Variants in MMP26 observed in about 807,000 individuals in gnomAD.
MMP26 encodes matrix metalloproteinase-26.
A neutral mutation model predicts 31.0 loss-of-function variants in MMP26; 33 were observed. The observed-to-expected ratio is 1.06, with a 90% CI of 0.81 to 1.42. The LOEUF (loss-of-function observed/expected upper bound fraction) is 1.42. Ranked by LOEUF, MMP26 falls within the 40% of genes most tolerant of loss-of-function variation. MMP26 has a pLI of 0.00. For synonymous variants in MMP26, 122 were observed against 114.9 expected (o/e 1.06, Z -0.40); for missense variants, 347 against 316.1 (o/e 1.10, Z -0.74).
intron 2 of MMP26, among the ~76,000 whole-genome samples, chr11:4,878,935 T>C (rs560741627): frequency 2.0e-5 from 3 of 152,058 alleles, no homozygotes; most frequent in African/African-American, 7.2e-5. Flanking sequence ...ATTTGGAAAA[T>C]GTTTCAAGAA....
chr11:4,890,101 G>C (rs2133547691), intron 2 of MMP26: 1 of 152,296 alleles, frequency 6.6e-6, no homozygotes, highest in African/African-American at 2.4e-5. Flanking sequence ...TTCTTTTAAT[G>C]AGTTTAGTGT....
chr11:4,724,620 A>G (rs1365549630), intron 1 of MMP26, among the ~76,000 whole-genome samples: 1 of 152,248 alleles, frequency 6.6e-6, no homozygotes, highest in Non-Finnish European at 1.5e-5. Context: ...ATAAAATCTA[A>G]AGATAAGGTT....
intron 2 of MMP26, among the ~76,000 whole-genome samples, chr11:4,902,193 T>TA (rs1850813116): frequency 6.6e-6 from 1 of 152,198 alleles, no homozygotes; most frequent in Admixed American, 6.5e-5. Context: ...TACAGTTCAC[T>TA]TCAGATGAAA....
At position 4,762,045 on chromosome 11, in the gene MMP26, T is replaced by C. The variant is rs529904721; in HGVS notation, c.-216-5225T>C. Among the ~76,000 whole-genome samples the C allele has an allele frequency of 5.9e-4, 90 of 152,264 alleles. 1 individual carries two copies. Among genetic ancestry groups the C allele is most frequent in the Admixed American group, 2.9e-3 (44 of 15,288 alleles). On this transcript the variant is annotated intron_variant, in intron 1 of 7. Coordinates refer to ENST00000380390, the MANE Select transcript of MMP26 (RefSeq NM_021801.5). Reference sequence around the variant, plus strand: ...ATTATATTGATTATCTGTACAGTGATTATTGTTTTATTGTTTTCCAGTCAG... The same window carrying C: ...ATTATATTGATTATCTGTACAGTGACTATTGTTTTATTGTTTTCCAGTCAG...
At chr11:4,980,651 T>C (rs1441070146) in intron 2 of MMP26, among the ~76,000 whole-genome samples, 2 of 152,070 alleles carry the variant, frequency 1.3e-5, no homozygotes, top group African/African-American at 2.4e-5. Context: ...TATATTCCCA[T>C]AGTCATAGAA....
At chr11:4,893,872 G>C (rs1850663207) in intron 2 of MMP26, among the ~76,000 whole-genome samples, 3 of 151,918 alleles carry the variant, frequency 2.0e-5, no homozygotes, top group Admixed American at 6.6e-5. Flanking sequence ...AGCTGAGACA[G>C]GATGATCACT....
At chr11:4,915,251 A>G in intron 2 of MMP26, 1 of 1,614,030 alleles carries the variant, frequency 6.2e-7, no homozygotes, top group Non-Finnish European at 8.5e-7. Flanking sequence ...GAGAATGGAA[A>G]CATAGTGCAA....
chr11:4,868,217 G>A (rs1850262820), intron 2 of MMP26, among the ~76,000 whole-genome samples: 1 of 152,100 alleles, frequency 6.6e-6, no homozygotes, highest in Admixed American at 6.6e-5. Context: ...ACACATGGGG[G>A]GAACAACACA....
chr11:4,733,858 T>C (rs758973126), intron 1 of MMP26, among the ~76,000 whole-genome samples: 11 of 152,218 alleles, frequency 7.2e-5, no homozygotes, highest in Non-Finnish European at 1.5e-4. Flanking sequence ...CTTTTTGTTC[T>C]ACATTGTTGA....
intron 2 of MMP26, chr11:4,821,665 A>G: frequency 1.2e-6 from 2 of 1,613,926 alleles, no homozygotes; most frequent in Admixed American, 1.7e-5. Flanking sequence ...TACACTTTCT[A>G]CTACCCTTGG....
chr11:4,985,294 T>A (rs1564819378), intron 2 of MMP26, among the ~76,000 whole-genome samples: 1 of 152,218 alleles, frequency 6.6e-6, no homozygotes, highest in African/African-American at 2.4e-5. Context: ...TATATCACCA[T>A]GAGATTTTAG....
At chr11:4,791,421 G>A (rs972592617) in intron 2 of MMP26, among the ~76,000 whole-genome samples, 7 of 152,078 alleles carry the variant, frequency 4.6e-5, no homozygotes, top group Admixed American at 2.6e-4. Flanking sequence ...AGTTGTGCCC[G>A]AACCTTGATC....
intron 1 of MMP26, chr11:4,723,074 A>G (rs1206088901): frequency 3.0e-5 from 38 of 1,267,176 alleles, no homozygotes; most frequent in South Asian, 2.7e-4. Flanking sequence ...GTACCCATGC[A>G]GCTGTCACGG....
At chr11:4,984,957 AT>A (rs896393800) in intron 2 of MMP26, among the ~76,000 whole-genome samples, 3 of 151,672 alleles carry the variant, frequency 2.0e-5, no homozygotes, top group Admixed American at 6.6e-5. Context: ...GACTTAGAGG[AT>A]TTTTTTTTAT....
chr11:4,774,788 A>G (rs1241584704), intron 2 of MMP26, among the ~76,000 whole-genome samples: 2 of 152,044 alleles, frequency 1.3e-5, no homozygotes, highest in African/African-American at 2.4e-5. Context: ...TTAATCCATC[A>G]TGAGTTAATT....
At chr11:4,844,134 C>A (rs913077290) in intron 2 of MMP26, among the ~76,000 whole-genome samples, 1 of 152,010 alleles carries the variant, frequency 6.6e-6, no homozygotes, top group African/African-American at 2.4e-5. Context: ...ATGGCTATCA[C>A]GAGCAAGTAT....
At chr11:4,714,400 A>G (rs1209730047) in intron 1 of MMP26, among the ~76,000 whole-genome samples, 3 of 152,176 alleles carry the variant, frequency 2.0e-5, no homozygotes, top group African/African-American at 7.2e-5. Flanking sequence ...GTCACATTTT[A>G]TAACTGCCAC....
At chr11:4,969,973 C>A (rs1352028287) in intron 2 of MMP26, among the ~76,000 whole-genome samples, 1 of 152,064 alleles carries the variant, frequency 6.6e-6, no homozygotes, top group Admixed American at 6.6e-5. Flanking sequence ...TTGAATAAAG[C>A]TCCTTTAAGG....
At chr11:4,983,299 C>CTTAG (rs1308428890) in intron 2 of MMP26, among the ~76,000 whole-genome samples, 1 of 152,156 alleles carries the variant, frequency 6.6e-6, no homozygotes, top group East Asian at 1.9e-4. Flanking sequence ...TAATCCTTCT[C>CTTAG]TTAGCATTAG....
Sources: gnomAD v4.1 joint callset for allele counts (sites outside exome capture counted in the v4.1 genomes callset) on GRCh38, gnomAD v4.1.1 for gene constraint, MANE v1.5 for transcripts, NCBI Gene and HGNC (gene_info 2026-07-23, HGNC 2026-07-21) for gene names.